KLHL29: variants seen among roughly 807,000 people sequenced by gnomAD.
KLHL29 encodes kelch-like protein 29.
A neutral mutation model predicts 80.4 loss-of-function variants in KLHL29; 21 were observed. The ratio of observed to expected loss-of-function variants is 0.26; its 90% CI spans 0.19 to 0.38. The LOEUF is 0.38. Among genes scored for constraint, KLHL29 ranks in the 10% least tolerant of loss-of-function variants. The pLI is 1.00. For synonymous variants in KLHL29, 511 were observed against 526.8 expected (o/e 0.97, Z 0.41); for missense variants, 867 against 1,223.9 (o/e 0.71, Z 4.35).
At chr2:23,462,799 A>G (rs1278199764) in intron 1 of KLHL29, among the ~76,000 whole-genome samples, 2 of 152,342 alleles carry the variant, frequency 1.3e-5, no homozygotes, top group Admixed American at 1.3e-4. Flanking sequence ...TATACTTACA[A>G]TGTTTAATTA....
chr2:23,595,892 G>T (rs1668382883), intron 3 of KLHL29, among the ~76,000 whole-genome samples: 1 of 152,280 alleles, frequency 6.6e-6, no homozygotes, highest in African/African-American at 2.4e-5. Context: ...GCCCCTTCCA[G>T]ACACCATGAC....
chr2:23,645,352 C>G (rs1035441499), intron 5 of KLHL29, among the ~76,000 whole-genome samples: 1 of 152,138 alleles, frequency 6.6e-6, no homozygotes, highest in Non-Finnish European at 1.5e-5. Flanking sequence ...GATTTTACAT[C>G]TCTGAAGCCC....
intron 2 of KLHL29, among the ~76,000 whole-genome samples, chr2:23,513,822 A>T (rs1287855336): frequency 1.3e-5 from 2 of 152,194 alleles, no homozygotes; most frequent in Non-Finnish European, 2.9e-5. Flanking sequence ...CTCCATCTAT[A>T]GACTTTCCAC....
At chr2:23,594,177 G>A (rs1041641848) in intron 3 of KLHL29, among the ~76,000 whole-genome samples, 1 of 152,174 alleles carries the variant, frequency 6.6e-6, no homozygotes, top group Non-Finnish European at 1.5e-5. Flanking sequence ...TCTGCCTGGC[G>A]CGTTGCCTTG....
intron 1 of KLHL29, among the ~76,000 whole-genome samples, chr2:23,459,404 C>T (rs1169747264): frequency 6.6e-6 from 1 of 152,038 alleles, no homozygotes; most frequent in African/African-American, 2.4e-5. Context: ...AAGCCTTGAG[C>T]ATGGATTAGA....
chr2:23,511,948 A>G (rs776682765), intron 2 of KLHL29, among the ~76,000 whole-genome samples: 1 of 152,154 alleles, frequency 6.6e-6, no homozygotes, highest in East Asian at 1.9e-4. Context: ...CTTCCGATAC[A>G]CATATTGATC....
intron 2 of KLHL29, among the ~76,000 whole-genome samples, chr2:23,555,124 C>G (rs1420035477): frequency 6.8e-6 from 1 of 146,204 alleles, no homozygotes; most frequent in Non-Finnish European, 1.5e-5. Context: ...ATGACCTCCC[C>G]CCCCCCCTCA....
chr2:23,695,530 T>G lies in KLHL29; in HGVS notation c.1543-93T>G. On this transcript the variant is annotated intron_variant, in intron 8 of 13. Transcript: ENST00000486442. This position sits in a 1 kb window ranked among gnomAD's most constrained non-coding sequence, Gnocchi z 7.6. ...CCAAGCCTAACACAGCCTGGAATTA[T>G]CCATTCTTGTGCAGCCCCACACCAT... is the stretch of plus-strand genomic sequence containing the variant. 2.3e-6 allele frequency: 2 copies of G among 855,882 alleles called. No individual in the cohort carries two copies. Among genetic ancestry groups the G allele is most frequent in the Non-Finnish European group, 3.6e-6 (2 of 561,328 alleles). 53.0% of individuals were successfully genotyped at this position (855,882 alleles called of 1,614,324 possible).
intron 3 of KLHL29, among the ~76,000 whole-genome samples, chr2:23,625,751 T>G (rs1034305802): frequency 8.5e-5 from 13 of 152,256 alleles, no homozygotes; most frequent in Non-Finnish European, 1.9e-4. Flanking sequence ...GTTGAAGCCC[T>G]AATTACCATT....
At chr2:23,532,131 C>T (rs1460229032) in intron 2 of KLHL29, among the ~76,000 whole-genome samples, 1 of 152,194 alleles carries the variant, frequency 6.6e-6, no homozygotes, top group Admixed American at 6.5e-5. Context: ...CCACTGGGGC[C>T]ATGCCTGGGA....
intron 1 of KLHL29, among the ~76,000 whole-genome samples, chr2:23,408,641 C>G (rs1244003941): frequency 6.6e-6 from 1 of 152,188 alleles, no homozygotes; most frequent in African/African-American, 2.4e-5. Context: ...TTGTATCTTG[C>G]TGGGTTACTG....
At chr2:23,536,332 C>T (rs1048883334) in intron 2 of KLHL29, among the ~76,000 whole-genome samples, 16 of 152,208 alleles carry the variant, frequency 1.1e-4, no homozygotes, top group African/African-American at 3.9e-4. Context: ...GGGCTCCAAG[C>T]TGCGGAAATT....
At chr2:23,531,188 A>G (rs1036144166) in intron 2 of KLHL29, among the ~76,000 whole-genome samples, 2 of 152,242 alleles carry the variant, frequency 1.3e-5, no homozygotes, top group African/African-American at 4.8e-5. Flanking sequence ...TTTCAAATAA[A>G]TAGTGAGCGA....
chr2:23,660,986 G>A (rs577184483), intron 5 of KLHL29, among the ~76,000 whole-genome samples: 31 of 152,010 alleles, frequency 2.0e-4, no homozygotes, highest in South Asian at 1.2e-3. Flanking sequence ...AGCTGAAATC[G>A]AGCCATTGCA....
At chr2:23,493,908 T>C (rs1665182114) in intron 2 of KLHL29, among the ~76,000 whole-genome samples, 1 of 152,228 alleles carries the variant, frequency 6.6e-6, no homozygotes, top group Non-Finnish European at 1.5e-5. Context: ...TTGTACAGTG[T>C]AGACTTTTAA....
intron 1 of KLHL29, among the ~76,000 whole-genome samples, chr2:23,467,895 C>T (rs1212147639): frequency 1.3e-5 from 2 of 151,798 alleles, no homozygotes; most frequent in Non-Finnish European, 2.9e-5. Context: ...GAGGAAGACC[C>T]CTCTTCATTC....
At position 23,621,648 on chromosome 2, in the gene KLHL29, G is replaced by A. The variant is rs540513431; in HGVS notation, c.286-17491G>A. Among the ~76,000 whole-genome samples, 16 of 152,234 alleles carry A rather than the reference G, an allele frequency of 1.1e-4. No homozygotes were observed. In the East Asian group the frequency reaches 2.5e-3, roughly 24 times the overall value. ...AGACTGGAGAGAATGGAGGTGAATG[G>A]AGATGCCGAGCCCCCAGGAGAATAA... is the stretch of plus-strand genomic sequence containing the variant. On this transcript the variant is annotated intron_variant, in intron 3 of 13. Coordinates refer to ENST00000486442, the MANE Select transcript of KLHL29 (RefSeq NM_052920.2).
chr2:23,430,444 A>T (rs1663136161), intron 1 of KLHL29, among the ~76,000 whole-genome samples: 1 of 152,190 alleles, frequency 6.6e-6, no homozygotes, highest in South Asian at 2.1e-4. Context: ...TCTAAAAGGA[A>T]TCTATTGCTT....
At chr2:23,399,608 A>G (rs1330830082) in intron 1 of KLHL29, among the ~76,000 whole-genome samples, 9 of 152,252 alleles carry the variant, frequency 5.9e-5, no homozygotes. Flanking sequence ...GAGAAGCAAT[A>G]CAATGAAATC....
Sources: gnomAD v4.1 joint callset for allele counts (sites outside exome capture counted in the v4.1 genomes callset) on GRCh38, gnomAD v4.1.1 for gene constraint, Gnocchi (gnomAD v3.1) non-coding constraint, MANE v1.5 for transcripts, NCBI Gene and HGNC (gene_info 2026-07-23, HGNC 2026-07-21) for gene names.